Variants in GOLGA3 observed in about 807,000 individuals in gnomAD.
GOLGA3 encodes the protein golgin A3.
GOLGA3 carries 75 observed loss-of-function variants against 169.4 expected under a neutral mutation model. That is an observed-to-expected ratio of 0.44 (90% CI 0.37 to 0.54). The LOEUF (loss-of-function observed/expected upper bound fraction) is 0.54. Ranked by LOEUF, GOLGA3 falls within the 20% of genes least tolerant of loss-of-function variation. The pLI is 0.00. For synonymous variants in GOLGA3, 824 were observed against 822.4 expected (o/e 1.00, Z -0.03); for missense variants, 1,899 against 1,930.0 (o/e 0.98, Z 0.30).
At chr12:132,810,647 A>G in intron 4 of GOLGA3, among the ~76,000 whole-genome samples, 1 of 151,874 alleles carries the variant, frequency 6.6e-6, no homozygotes, top group South Asian at 2.1e-4. Context: ...AGACAGGGCC[A>G]CCAGAGGGCT....
At chr12:132,812,891 G>A (rs1043906000) in intron 4 of GOLGA3, among the ~76,000 whole-genome samples, 2 of 152,160 alleles carry the variant, frequency 1.3e-5, no homozygotes, top group African/African-American at 2.4e-5. Context: ...AAGAGATTAC[G>A]ACTTGCTGAA....
At chr12:132,782,232 G>T in intron 17 of GOLGA3, 64 bp downstream of exon 17, 1 of 1,353,884 alleles carries the variant, frequency 7.4e-7, no homozygotes, top group African/African-American at 1.4e-5. Flanking sequence ...TGAGATTCTC[G>T]GAGTGCGCAC....
At chr12:132,784,488 CGAT>C (rs1566081801) in intron 15 of GOLGA3, among the ~76,000 whole-genome samples, 181 bp from the exon 16 acceptor site, 5 of 152,204 alleles carry the variant, frequency 3.3e-5, no homozygotes. Context: ...AGCATGCACA[CGAT>C]GACACACGGG....
rs369517634 is a variant in GOLGA3 at position 132,816,730 on chromosome 12, C to T, written c.216G>A (p.Thr72=). The T allele has an allele frequency of 1.9e-5, 31 of 1,613,850 alleles. No homozygotes were observed. The highest frequency in any genetic ancestry group is 1.9e-4 in the African/African-American group (14 of 74,896). The change falls in exon 3 of 24, where the codon ACG becomes ACA. Residue 72 remains threonine, a synonymous_variant. Transcript: ENST00000450791. ...GQGGLCQNGP[T]PPFPDPPSSL... is the part of the protein sequence containing the mutation. ...ACGACGGAGGGTCTGGGAAGGGTGG[C>T]GTTGGCCCGTTCTGACAGAGGCCTC... is the stretch of plus-strand genomic sequence containing the variant.
chr12:132,807,410 G>A, intron 5 of GOLGA3, 122 bp from the exon 6 acceptor site: 1 of 552,070 alleles, frequency 1.8e-6, no homozygotes, highest in Non-Finnish European at 3.2e-6. Flanking sequence ...AATTAAGTAA[G>A]AGATTTAAGT....
chr12:132,802,613 A>G (rs1441979920), intron 7 of GOLGA3, among the ~76,000 whole-genome samples: 1 of 151,560 alleles, frequency 6.6e-6, no homozygotes, highest in Non-Finnish European at 1.5e-5. Context: ...CAACAGAGCA[A>G]CCCATCTCAA....
intron 2 of GOLGA3, among the ~76,000 whole-genome samples, chr12:132,818,352 C>G (rs1447271653): frequency 1.3e-5 from 2 of 152,228 alleles, no homozygotes; most frequent in Non-Finnish European, 2.9e-5. Context: ...CTCCACTCAC[C>G]AGATTCAAGC....
At chr12:132,822,448 G>A in intron 1 of GOLGA3, 137 bp from the exon 2 acceptor site, 2 of 541,976 alleles carry the variant, frequency 3.7e-6, no homozygotes, top group Non-Finnish European at 6.2e-6. Flanking sequence ...AATAATCCTG[G>A]AGCACCCACA....
intron 22 of GOLGA3, chr12:132,774,818 C>T (rs1022652177): frequency 8.5e-6 from 4 of 473,294 alleles, no homozygotes; most frequent in African/African-American, 2.0e-5. Context: ...AACCGCCGGG[C>T]GCCTGGGCAC....
intron 1 of GOLGA3, among the ~76,000 whole-genome samples, chr12:132,825,458 A>T (rs1229561823): frequency 2.6e-5 from 4 of 152,246 alleles, no homozygotes; most frequent in Non-Finnish European, 5.9e-5. Flanking sequence ...GTGCCAACAC[A>T]GGTTTAATTT....
In GOLGA3 at chr12:132,791,208, AT is replaced by A; in HGVS notation, c.2547+7del. ...TTTCAAGTGAAGAAATCAACAACAG[AT>A]TTTTACCTTTTGTTGGAGAAACTGT... On this transcript the variant is annotated splice_region_variant and intron_variant, in intron 12 of 23. Coordinates refer to ENST00000450791, the MANE Select transcript of GOLGA3 (RefSeq NM_001389683.1). The A allele has an allele frequency of 6.5e-7, 1 of 1,543,996 alleles. No homozygotes were observed. The highest frequency in any genetic ancestry group is 9.0e-7 in the Non-Finnish European group (1 of 1,117,022).
intron 16 of GOLGA3, 109 bp from the exon 17 acceptor site, chr12:132,782,602 C>A (rs1259321402): frequency 5.9e-6 from 5 of 848,882 alleles, no homozygotes; most frequent in Non-Finnish European, 1.0e-5. Flanking sequence ...TTAGGCCAGG[C>A]GCAGAGGCTC....
At chr12:132,783,123 G>C (rs959516366) in intron 16 of GOLGA3, among the ~76,000 whole-genome samples, 17 of 151,994 alleles carry the variant, frequency 1.1e-4, no homozygotes, top group Non-Finnish European at 4.4e-5. Context: ...TTGAACCTGG[G>C]AAGTGGAGGC....
intron 13 of GOLGA3, among the ~76,000 whole-genome samples, chr12:132,788,227 TG>T (rs1333453254): frequency 1.5e-4 from 23 of 152,144 alleles, no homozygotes; most frequent in Non-Finnish European, 2.8e-4. Context: ...GGCCTCAGCC[TG>T]GCTCCTAATG....
intron 4 of GOLGA3, among the ~76,000 whole-genome samples, chr12:132,809,053 A>G (rs1029987887): frequency 6.6e-6 from 1 of 152,222 alleles, no homozygotes; most frequent in Non-Finnish European, 1.5e-5. Context: ...GGGGCAGGGT[A>G]AAGAATGTGA....
chr12:132,821,727 G>A (rs1044102386), intron 2 of GOLGA3, among the ~76,000 whole-genome samples: 2 of 150,372 alleles, frequency 1.3e-5, no homozygotes, highest in Non-Finnish European at 1.5e-5. Context: ...GGTGGCGGGC[G>A]CCTGTAATCC....
chr12:132,794,711 T>G (rs1052028130), intron 11 of GOLGA3, among the ~76,000 whole-genome samples: 1 of 152,228 alleles, frequency 6.6e-6, no homozygotes, highest in Admixed American at 6.5e-5. Context: ...CAAGTTTAAA[T>G]TCATCCACAG....
chr12:132,786,156 G>A (rs537519857), intron 15 of GOLGA3, among the ~76,000 whole-genome samples, 183 bp downstream of exon 15: 8 of 151,936 alleles, frequency 5.3e-5, no homozygotes, highest in Admixed American at 2.0e-4. Flanking sequence ...TGAGGGAGAC[G>A]CGAGGCAATG....
At chr12:132,780,379 G>A (rs997089328) in intron 18 of GOLGA3, among the ~76,000 whole-genome samples, 18 of 152,216 alleles carry the variant, frequency 1.2e-4, no homozygotes, top group Admixed American at 7.8e-4. Context: ...CGTGACCAAC[G>A]TGTCAGTGAA....
Sources: allele counts gnomAD v4.1 joint callset (sites outside exome capture counted in the v4.1 genomes callset), GRCh38; gene constraint gnomAD v4.1.1; transcripts MANE v1.5; gene names NCBI Gene and HGNC (gene_info 2026-07-23, HGNC 2026-07-21).